JMJD1C: variants seen among roughly 807,000 people sequenced by gnomAD.
JMJD1C encodes jumonji domain containing 1C.
JMJD1C carries 31 observed loss-of-function variants against 245.3 expected under a neutral mutation model. The observed-to-expected ratio is 0.13, with a 90% CI of 0.09 to 0.17. The LOEUF (loss-of-function observed/expected upper bound fraction) is 0.17. Among genes scored for constraint, JMJD1C ranks in the 10% least tolerant of loss-of-function variants. The pLI is 1.00. For missense variants in JMJD1C, 2,691 were observed against 3,000.2 expected (o/e 0.90, Z 2.41); for synonymous variants, 1,057 against 1,017.4 (o/e 1.04, Z -0.74).
chr10:63,303,889 T>C (rs1399196646), intron 2 of JMJD1C, among the ~76,000 whole-genome samples: 1 of 152,190 alleles, frequency 6.6e-6, no homozygotes, highest in Non-Finnish European at 1.5e-5. Context: ...ATCATTAATA[T>C]TTCCAGATAC....
At chr10:63,233,711 T>C (rs1850290184) in intron 3 of JMJD1C, among the ~76,000 whole-genome samples, 1 of 147,570 alleles carries the variant, frequency 6.8e-6, no homozygotes, top group Admixed American at 6.8e-5. Context: ...TATATGTATC[T>C]CCATATATAC....
intron 1 of JMJD1C, among the ~76,000 whole-genome samples, chr10:63,462,328 A>G (rs143677938): frequency 1.3e-5 from 2 of 152,216 alleles, no homozygotes; most frequent in African/African-American, 2.4e-5. Context: ...TAATATCACT[A>G]TAACCCCTGG....
At chr10:63,181,212 G>A (rs554024946) in intron 22 of JMJD1C, among the ~76,000 whole-genome samples, 14 of 152,266 alleles carry the variant, frequency 9.2e-5, no homozygotes, top group African/African-American at 3.4e-4. Context: ...AAAAATGACA[G>A]TTGATGTTTC....
intron 2 of JMJD1C, among the ~76,000 whole-genome samples, chr10:63,371,720 C>G (rs1046888333): frequency 2.0e-5 from 3 of 152,114 alleles, no homozygotes; most frequent in African/African-American, 7.2e-5. Flanking sequence ...TTATAATCCA[C>G]AAGATATGAG....
chr10:63,200,397 G>A, intron 11 of JMJD1C, 79 bp downstream of exon 11: 2 of 1,032,930 alleles, frequency 1.9e-6, no homozygotes, highest in Non-Finnish European at 2.9e-6. Flanking sequence ...ATCCAAAAGG[G>A]ACACTCAGAA....
At chr10:63,190,096 C>G (rs986317041) in intron 17 of JMJD1C, among the ~76,000 whole-genome samples, 3 of 151,804 alleles carry the variant, frequency 2.0e-5, no homozygotes, top group Admixed American at 2.0e-4. Flanking sequence ...CAGGGTTTCA[C>G]CATGTTGTTG....
chr10:63,434,239 T>C (rs995321471), intron 1 of JMJD1C, among the ~76,000 whole-genome samples: 1 of 152,130 alleles, frequency 6.6e-6, no homozygotes, highest in African/African-American at 2.4e-5. Context: ...ATTAGCAGAG[T>C]TGGCATTTAT....
chr10:63,220,622 T>C (rs897316645), intron 3 of JMJD1C, among the ~76,000 whole-genome samples: 15 of 152,170 alleles, frequency 9.9e-5, no homozygotes, highest in African/African-American at 2.7e-4. Context: ...TTCTCTCTCA[T>C]TGGAGATGTG....
At chr10:63,405,315 GATTT>G (rs1306698736) in intron 1 of JMJD1C, among the ~76,000 whole-genome samples, 5 of 114,358 alleles carry the variant, frequency 4.4e-5, no homozygotes, top group South Asian at 3.1e-4. Context: ...ACCACATGTA[GATTT>G]TTTTTTTTTT....
At chr10:63,402,259 TAAA>T (rs1388284637) in intron 1 of JMJD1C, among the ~76,000 whole-genome samples, 3 of 151,592 alleles carry the variant, frequency 2.0e-5, no homozygotes, top group Non-Finnish European at 4.4e-5. Flanking sequence ...ATCAGAGAAA[TAAA>T]AAATTAAAAC....
At chr10:63,468,291 T>C (rs1953380672), upstream of JMJD1C, among the ~76,000 whole-genome samples, 1 of 152,242 alleles carries the variant, frequency 6.6e-6, no homozygotes. Flanking sequence ...GTGGATATTT[T>C]GCTGTTGGAA....
intron 1 of JMJD1C, among the ~76,000 whole-genome samples, chr10:63,455,103 T>A (rs980961223): frequency 8.5e-5 from 13 of 152,152 alleles, no homozygotes; most frequent in South Asian, 2.1e-4. Context: ...GAAGAAAACA[T>A]AAGAAATTAA....
rs1856881009 is a variant in JMJD1C, at chr10:63,277,253, C to T, written c.334-12489G>A. Among the ~76,000 whole-genome samples, 3 of 149,766 alleles carry T rather than the reference C, an allele frequency of 2.0e-5. No homozygotes were observed. In the South Asian group the frequency reaches 6.4e-4, roughly 32 times the overall value. ...GGTTGGCCTCGAATGTGTAGCCTCG[C>T]CTCCCCGAGTGCCAGGGCAACCGGC... is the stretch of plus-strand genomic sequence containing the variant. On this transcript the variant is annotated intron_variant, in intron 2 of 25. Coordinates refer to ENST00000399262, the MANE Select transcript of JMJD1C (RefSeq NM_032776.3).
chr10:63,433,581 CTTTTCT>C (rs200376292), intron 1 of JMJD1C, among the ~76,000 whole-genome samples: 62 of 140,220 alleles, frequency 4.4e-4, no homozygotes, highest in East Asian at 8.2e-4. Context: ...CTTTTCTTTT[CTTTTCT>C]TTTTTTTTTT....
At chr10:63,224,733 G>T (rs990384783) in intron 3 of JMJD1C, among the ~76,000 whole-genome samples, 1 of 152,058 alleles carries the variant, frequency 6.6e-6, no homozygotes, top group East Asian at 1.9e-4. Flanking sequence ...AATTTAAAAG[G>T]TCTTCAGCTG....
chr10:63,519,998 C>CA (rs1274599364), intron 1 of JMJD1C, among the ~76,000 whole-genome samples: 1 of 152,126 alleles, frequency 6.6e-6, no homozygotes, highest in African/African-American at 2.4e-5. Context: ...ATAAAAGATT[C>CA]AGAGTTAAAT....
intron 10 of JMJD1C, chr10:63,202,202 T>G: frequency 5.1e-4 from 323 of 628,544 alleles, no homozygotes; most frequent in Non-Finnish European, 5.7e-4. Flanking sequence ...TGCAGTGGGG[T>G]GAGATCGTGC....
At chr10:63,395,647 G>A (rs1948436325) in intron 1 of JMJD1C, among the ~76,000 whole-genome samples, 1 of 152,112 alleles carries the variant, frequency 6.6e-6, no homozygotes. Context: ...ACAAAAACCT[G>A]TACATGAATG....
At chr10:63,423,397 G>C (rs913968087) in intron 1 of JMJD1C, among the ~76,000 whole-genome samples, 1 of 152,098 alleles carries the variant, frequency 6.6e-6, no homozygotes, top group Non-Finnish European at 1.5e-5. Flanking sequence ...GATTTAAGTG[G>C]AATAATATAT....
Sources: allele counts gnomAD v4.1 joint callset (sites outside exome capture counted in the v4.1 genomes callset), GRCh38; gene constraint gnomAD v4.1.1; transcripts MANE v1.5; gene names NCBI Gene and HGNC (gene_info 2026-07-23, HGNC 2026-07-21).